FSTL5: variants seen among roughly 807,000 people sequenced by gnomAD.
The protein encoded by FSTL5 is follistatin-related protein 5.
A neutral mutation model predicts 89.1 loss-of-function variants in FSTL5; 62 were observed. That is an observed-to-expected ratio of 0.70 (90% confidence interval 0.57 to 0.86). The LOEUF (loss-of-function observed/expected upper bound fraction) is 0.86, where lower values mean the gene tolerates loss of function less well. Ranked by LOEUF, FSTL5 falls within the 40% of genes least tolerant of loss-of-function variation. FSTL5 has a pLI of 0.00. For synonymous variants in FSTL5, 383 were observed against 346.2 expected (o/e 1.11, Z -1.18); for missense variants, 1,057 against 1,001.6 (o/e 1.06, Z -0.75).
chr4:161,619,425 T>C (rs1343867474), intron 7 of FSTL5, among the ~76,000 whole-genome samples: 6 of 152,086 alleles, frequency 3.9e-5, no homozygotes, highest in African/African-American at 1.5e-4. Flanking sequence ...GGGAGATAAT[T>C]TTCCCAACCT....
intron 3 of FSTL5, among the ~76,000 whole-genome samples, chr4:161,934,292 A>C (rs537783567): frequency 6.6e-6 from 1 of 152,266 alleles, no homozygotes; most frequent in African/African-American, 2.4e-5. Context: ...ACAATTGGAA[A>C]TATAAAACTT....
At chr4:162,144,106 C>T (rs899946590) in intron 1 of FSTL5, among the ~76,000 whole-genome samples, 2 of 152,074 alleles carry the variant, frequency 1.3e-5, no homozygotes, top group Admixed American at 1.3e-4. Flanking sequence ...CAGTGAAGAA[C>T]AGGGACGAGG....
At chr4:161,870,575 A>G (rs1349906014) in intron 4 of FSTL5, among the ~76,000 whole-genome samples, 1 of 152,108 alleles carries the variant, frequency 6.6e-6, no homozygotes, top group African/African-American at 2.4e-5. Context: ...CAGAATAAGG[A>G]AAGTCTGGCA....
At chr4:162,020,641 T>A (rs1737049524) in intron 3 of FSTL5, among the ~76,000 whole-genome samples, 1 of 152,022 alleles carries the variant, frequency 6.6e-6, no homozygotes, top group South Asian at 2.1e-4. Flanking sequence ...AAAGCCAAGT[T>A]TTAAGGTAGG....
intron 12 of FSTL5, among the ~76,000 whole-genome samples, chr4:161,490,822 G>A (rs1362647848): frequency 6.6e-6 from 1 of 152,006 alleles, no homozygotes; most frequent in East Asian, 1.9e-4. Flanking sequence ...CTTCGCATTT[G>A]ATTTCTTACA....
chr4:161,474,544 G>GT (rs147822987), intron 13 of FSTL5, among the ~76,000 whole-genome samples: 29,935 of 121,730 alleles, frequency 0.25, 3,807 homozygotes, highest in Non-Finnish European at 0.33. Context: ...ATTGTGTAGT[G>GT]GTTTTTTTTT....
intron 6 of FSTL5, among the ~76,000 whole-genome samples, chr4:161,659,400 C>A (rs893994625): frequency 1.3e-5 from 2 of 152,102 alleles, no homozygotes; most frequent in Non-Finnish European, 2.9e-5. Context: ...ATAAATTTAG[C>A]AGCACAATTT....
Position 162,158,432 on chromosome 4 carries a change from G to A in FSTL5, c.-17+5183C>T, listed in dbSNP as rs181648379. Among the ~76,000 whole-genome samples the A allele has an allele frequency of 3.4e-3, 523 of 152,046 alleles. 2 individuals carry two copies. Among genetic ancestry groups the A allele is most frequent in the African/African-American group, 0.011 (468 of 41,512 alleles). On this transcript the variant is annotated intron_variant, in intron 1 of 15. Transcript: ENST00000306100. Reference sequence around the variant, plus strand: ...AAAGTGTGTATACTAAAGAATATACGCTATAAAATAATTTCAATGACTTAA... The same window carrying A: ...AAAGTGTGTATACTAAAGAATATACACTATAAAATAATTTCAATGACTTAA...
intron 4 of FSTL5, among the ~76,000 whole-genome samples, chr4:161,909,923 T>C (rs1733643090): frequency 6.6e-6 from 1 of 152,150 alleles, no homozygotes; most frequent in Non-Finnish European, 1.5e-5. Context: ...ATACTGAATA[T>C]TGAATATATG....
Position 161,772,658 on chromosome 4 carries a change from A to G in FSTL5, c.606+3220T>C, listed in dbSNP as rs1419452873. Among the ~76,000 whole-genome samples the G allele has an allele frequency of 2.0e-5, 3 of 152,188 alleles. No homozygotes were observed. The East Asian group carries it at 5.8e-4, about 29-fold the overall frequency. Reference sequence around the variant, plus strand: ...AACCAAGGAGGTGAAAGACCTCTACAAGGAAAACTACAAATCACTACTGAA... The same window carrying G: ...AACCAAGGAGGTGAAAGACCTCTACGAGGAAAACTACAAATCACTACTGAA... On this transcript the variant is annotated intron_variant, in intron 5 of 15. Coordinates refer to ENST00000306100, the MANE Select transcript of FSTL5 (RefSeq NM_020116.5).
chr4:161,858,278 G>A (rs912558136), intron 4 of FSTL5, among the ~76,000 whole-genome samples: 2 of 152,138 alleles, frequency 1.3e-5, no homozygotes, highest in African/African-American at 4.8e-5. Context: ...CCAGAACTGT[G>A]AGAAATACAT....
intron 4 of FSTL5, among the ~76,000 whole-genome samples, chr4:161,788,768 T>G (rs1019721034): frequency 1.3e-5 from 2 of 152,102 alleles, no homozygotes; most frequent in African/African-American, 4.8e-5. Context: ...TGTGGTGATG[T>G]GTACCTGTAG....
At chr4:161,995,449 T>A (rs974429240) in intron 3 of FSTL5, among the ~76,000 whole-genome samples, 1 of 152,116 alleles carries the variant, frequency 6.6e-6, no homozygotes, top group Non-Finnish European at 1.5e-5. Context: ...ATATGTCAAA[T>A]CTCTATGTAT....
chr4:161,819,643 T>C (rs1730431691), intron 4 of FSTL5, among the ~76,000 whole-genome samples: 1 of 151,548 alleles, frequency 6.6e-6, no homozygotes. Context: ...TTTAGTTTAA[T>C]GAAGAAAATT....
At chr4:162,088,741 C>A (rs1307197308) in intron 2 of FSTL5, among the ~76,000 whole-genome samples, 1 of 152,060 alleles carries the variant, frequency 6.6e-6, no homozygotes, top group African/African-American at 2.4e-5. Flanking sequence ...GTAAGGAAAA[C>A]TGAAACATTT....
intron 6 of FSTL5, among the ~76,000 whole-genome samples, chr4:161,753,400 T>C (rs1034004351): frequency 6.6e-5 from 10 of 152,174 alleles, no homozygotes; most frequent in African/African-American, 2.4e-4. Flanking sequence ...CTGTCATGTA[T>C]ATGTAATCAC....
chr4:161,395,236 G>A (rs533176949), intron 15 of FSTL5, among the ~76,000 whole-genome samples: 5 of 151,984 alleles, frequency 3.3e-5, no homozygotes, highest in African/African-American at 9.6e-5. Flanking sequence ...ATAGAATATA[G>A]GTAACACTAG....
At chr4:161,793,548 A>T (rs1012358476) in intron 4 of FSTL5, among the ~76,000 whole-genome samples, 5 of 151,904 alleles carry the variant, frequency 3.3e-5, no homozygotes, top group African/African-American at 9.7e-5. Context: ...ATGGATTGGA[A>T]TTTTTTTCTT....
At chr4:162,128,548 T>A (rs955132289) in intron 1 of FSTL5, among the ~76,000 whole-genome samples, 4 of 152,168 alleles carry the variant, frequency 2.6e-5, no homozygotes, top group Non-Finnish European at 5.9e-5. Flanking sequence ...TCTGCATTAA[T>A]ATTAGGCTTC....
Sources: gnomAD v4.1 joint callset for allele counts (sites outside exome capture counted in the v4.1 genomes callset) on GRCh38, gnomAD v4.1.1 for gene constraint, MANE v1.5 for transcripts, NCBI Gene and HGNC (gene_info 2026-07-23, HGNC 2026-07-21) for gene names.